KCNK2: variants seen among roughly 807,000 people sequenced by gnomAD.
The protein encoded by KCNK2 is potassium channel subfamily K member 2.
A neutral mutation model predicts 40.5 loss-of-function variants in KCNK2; 21 were observed. The ratio of observed to expected loss-of-function variants is 0.52; its 90% CI spans 0.37 to 0.75. The LOEUF (loss-of-function observed/expected upper bound fraction) is 0.75, where lower values mean the gene tolerates loss of function less well. KCNK2 is among the 30% of genes least tolerant of loss of function. KCNK2 has a pLI of 0.00. For missense variants in KCNK2, 399 were observed against 531.6 expected, an observed-to-expected ratio of 0.75 and a Z score of 2.45; for synonymous variants, 191 against 202.2, an observed-to-expected ratio of 0.94 and a Z score of 0.47.
At chr1:215,175,792 T>A (rs1349901960) in intron 5 of KCNK2, among the ~76,000 whole-genome samples, 2 of 152,182 alleles carry the variant, frequency 1.3e-5, no homozygotes, top group Admixed American at 6.6e-5. Flanking sequence ...AGGATAATGG[T>A]CTCCAGCTGC....
chr1:215,123,638 G>A (rs1255720157), intron 2 of KCNK2, among the ~76,000 whole-genome samples: 1 of 151,978 alleles, frequency 6.6e-6, no homozygotes, highest in African/African-American at 2.4e-5. Flanking sequence ...TGTACTTATT[G>A]TCCATTTGCC....
At chr1:215,076,773 C>T (rs748854803) in intron 1 of KCNK2, among the ~76,000 whole-genome samples, 8 of 152,104 alleles carry the variant, frequency 5.3e-5, no homozygotes, top group Non-Finnish European at 1.2e-4. Context: ...GGAATCATTG[C>T]GGGGGTCAAC....
At chr1:215,177,740 A>ATTTTTTTTTT (rs375712483) in intron 5 of KCNK2, among the ~76,000 whole-genome samples, 3 of 101,578 alleles carry the variant, frequency 3.0e-5, no homozygotes, top group Non-Finnish European at 4.0e-5. Context: ...ATATATATAT[A>ATTTTTTTTTT]TTTTTTTTTT....
intron 6 of KCNK2, among the ~76,000 whole-genome samples, chr1:215,234,445 C>G (rs1056213106): frequency 3.9e-5 from 6 of 152,142 alleles, no homozygotes; most frequent in African/African-American, 1.4e-4. Flanking sequence ...GCCCTTTGTA[C>G]ATTCCAATAC....
At chr1:215,031,838 T>G (rs1657203117) in intron 1 of KCNK2, among the ~76,000 whole-genome samples, 1 of 152,176 alleles carries the variant, frequency 6.6e-6, no homozygotes, top group African/African-American at 2.4e-5. Context: ...CTTATTATAT[T>G]TCTTATTTTA....
chr1:215,154,722 T>C (rs182715269), intron 3 of KCNK2, among the ~76,000 whole-genome samples: 7 of 152,276 alleles, frequency 4.6e-5, no homozygotes, highest in Admixed American at 4.6e-4. Flanking sequence ...TGGTCTTACG[T>C]TTAAGTCTTT....
At chr1:215,138,376 A>G (rs1281833417) in intron 3 of KCNK2, among the ~76,000 whole-genome samples, 4 of 152,262 alleles carry the variant, frequency 2.6e-5, no homozygotes, top group East Asian at 3.9e-4. Context: ...AAAAATTCAG[A>G]CTTTGGGGGA....
intron 2 of KCNK2, among the ~76,000 whole-genome samples, chr1:215,120,637 C>T (rs1661148257): frequency 6.6e-6 from 1 of 152,116 alleles, no homozygotes. Context: ...TGTTTATTAA[C>T]TGTGAAACCA....
At chr1:215,141,932 C>A (rs570515663) in intron 3 of KCNK2, among the ~76,000 whole-genome samples, 3 of 151,962 alleles carry the variant, frequency 2.0e-5, no homozygotes, top group Admixed American at 6.6e-5. Context: ...TCTTCAAAGA[C>A]GCTGGAAAAT....
At chr1:215,054,392 C>T (rs1043992961) in intron 1 of KCNK2, among the ~76,000 whole-genome samples, 1 of 152,188 alleles carries the variant, frequency 6.6e-6, no homozygotes, top group Non-Finnish European at 1.5e-5. Context: ...TCAAAGGCTG[C>T]TTTGTCTTCA....
intron 5 of KCNK2, among the ~76,000 whole-genome samples, chr1:215,177,738 A>ATTTTTTTT (rs1232317385): frequency 3.7e-4 from 19 of 51,922 alleles, no homozygotes; most frequent in Non-Finnish European, 5.4e-4. Flanking sequence ...ATATATATAT[A>ATTTTTTTT]TATTTTTTTT....
chr1:215,222,490 A>G lies in KCNK2; in HGVS notation c.964-12338A>G, dbSNP rs547059676. ...TAGAAGAAAGATATTATTTAAAATA[A>G]TGCTATAAATTTTAGTGTTATTTTT... On this transcript the variant is annotated intron_variant, in intron 6 of 6. Coordinates refer to ENST00000444842, the MANE Select transcript of KCNK2 (RefSeq NM_001017425.3). Among the ~76,000 whole-genome samples, 30 of 152,318 alleles carry G rather than the reference A, an allele frequency of 2.0e-4. No homozygotes were observed. In the South Asian group the frequency reaches 6.2e-3, roughly 32 times the overall value.
intron 6 of KCNK2, among the ~76,000 whole-genome samples, chr1:215,225,981 G>C (rs922694308): frequency 6.6e-6 from 1 of 152,174 alleles, no homozygotes; most frequent in Non-Finnish European, 1.5e-5. Context: ...TTCTAGAATA[G>C]AGAACTTTTA....
intron 3 of KCNK2, among the ~76,000 whole-genome samples, chr1:215,128,056 G>T (rs1338144911): frequency 1.3e-5 from 2 of 152,182 alleles, no homozygotes; most frequent in Non-Finnish European, 2.9e-5. Context: ...ACAATACAGT[G>T]TGCCAAGAGT....
rs528086664 is a variant in KCNK2, at chr1:215,166,136, A to G, written c.476-3063A>G. Among the ~76,000 whole-genome samples, 3 of 152,242 alleles carry G rather than the reference A, an allele frequency of 2.0e-5. No individual in the cohort carries two copies. In the South Asian group the frequency reaches 6.2e-4, roughly 32 times the overall value. On this transcript the variant is annotated intron_variant, in intron 3 of 6. Coordinates refer to ENST00000444842, the MANE Select transcript of KCNK2 (RefSeq NM_001017425.3). Reference sequence around the variant, plus strand: ...TGTAAACATGCAGTTACCTCACATCACCAAAAAGTTGCATTGAGATGACAG... The same window carrying G: ...TGTAAACATGCAGTTACCTCACATCGCCAAAAAGTTGCATTGAGATGACAG...
At chr1:215,219,105 AAGAT>A (rs1295781543) in intron 6 of KCNK2, among the ~76,000 whole-genome samples, 1 of 152,210 alleles carries the variant, frequency 6.6e-6, no homozygotes, top group Non-Finnish European at 1.5e-5. Flanking sequence ...ATGTCTGAAA[AAGAT>A]AACTCACAGA....
At chr1:215,011,553 G>C (rs888258003) in intron 1 of KCNK2, among the ~76,000 whole-genome samples, 3 of 150,994 alleles carry the variant, frequency 2.0e-5, no homozygotes, top group African/African-American at 7.3e-5. Context: ...CAGCCTCCCA[G>C]AGTGCTGGGA....
intron 2 of KCNK2, among the ~76,000 whole-genome samples, chr1:215,091,168 A>T (rs1420594851): frequency 6.6e-6 from 1 of 152,204 alleles, no homozygotes; most frequent in Non-Finnish European, 1.5e-5. Flanking sequence ...AAGATGTGAA[A>T]GGAAACTTGA....
chr1:215,178,891 C>T (rs1178587777), intron 5 of KCNK2, among the ~76,000 whole-genome samples: 1 of 152,002 alleles, frequency 6.6e-6, no homozygotes, highest in African/African-American at 2.4e-5. Context: ...CCCTCCTCTT[C>T]AATTTTTTGG....
Sources: gnomAD v4.1 joint callset for allele counts (sites outside exome capture counted in the v4.1 genomes callset) on GRCh38, gnomAD v4.1.1 for gene constraint, MANE v1.5 for transcripts, NCBI Gene and HGNC (gene_info 2026-07-23, HGNC 2026-07-21) for gene names.